Variants in DACH2 observed in about 807,000 individuals in gnomAD.
The protein encoded by DACH2 is dachshund family transcription factor 2, also known as dachshund homolog 2.
DACH2 carries 17 observed loss-of-function variants against 35.8 expected under a neutral mutation model. The ratio of observed to expected loss-of-function variants is 0.48; its 90% CI spans 0.33 to 0.71. The LOEUF (loss-of-function observed/expected upper bound fraction) is 0.71, where lower values mean the gene tolerates loss of function less well. Ranked by LOEUF, DACH2 falls within the 30% of genes least tolerant of loss-of-function variation. DACH2 has a pLI of 0.02. For missense variants in DACH2, 469 were observed against 472.7 expected (o/e 0.99, Z 0.07); for synonymous variants, 195 against 177.3 (o/e 1.10, Z -0.79).
At chrX:86,296,298 G>A (rs989683734) in intron 1 of DACH2, among the ~76,000 whole-genome samples, 2 of 100,454 alleles carry the variant, frequency 2.0e-5, no homozygotes, top group African/African-American at 3.7e-5. Flanking sequence ...GGAGAATGGC[G>A]TGAACCCTGG....
intron 2 of DACH2, among the ~76,000 whole-genome samples, chrX:86,486,104 C>T (rs1271320590): frequency 9.0e-6 from 1 of 110,961 alleles, no homozygotes; most frequent in African/African-American, 3.3e-5. Context: ...ACTGGTCCCA[C>T]CATACCCTCA....
At chrX:86,568,738 C>T (rs750666657) in intron 3 of DACH2, among the ~76,000 whole-genome samples, 35 of 111,212 alleles carry the variant, frequency 3.1e-4, no homozygotes, top group African/African-American at 1.1e-3. Context: ...ACGAATGGGG[C>T]TGTGTAAAGC....
chrX:86,397,221 G>C (rs777488824), intron 2 of DACH2, among the ~76,000 whole-genome samples: 1 of 111,488 alleles, frequency 9.0e-6, no homozygotes. Flanking sequence ...AAATGCTAGT[G>C]ATTTTTGCAC....
intron 1 of DACH2, among the ~76,000 whole-genome samples, chrX:86,267,647 A>G (rs189151598): frequency 9.7e-4 from 109 of 112,160 alleles, no homozygotes; most frequent in Non-Finnish European, 1.8e-3. Context: ...CGATGTGGTC[A>G]GCATCAATGG....
intron 2 of DACH2, among the ~76,000 whole-genome samples, chrX:86,497,057 G>A (rs1387940766): frequency 8.9e-6 from 1 of 112,082 alleles, no homozygotes; most frequent in African/African-American, 3.2e-5. Flanking sequence ...GTTACAAGGG[G>A]AGATTGTCTT....
chrX:86,179,268 T>C (rs1345763691), intron 1 of DACH2, among the ~76,000 whole-genome samples: 2 of 112,581 alleles, frequency 1.8e-5, no homozygotes, highest in Non-Finnish European at 3.8e-5. Flanking sequence ...ATCACATTAA[T>C]ATCTCAGCCC....
chrX:86,810,927 A>T (rs2042389320), intron 7 of DACH2, among the ~76,000 whole-genome samples: 1 of 111,938 alleles, frequency 8.9e-6, no homozygotes, highest in Admixed American at 9.5e-5. Context: ...TAACTAGAGT[A>T]TGAAAATAAA....
chrX:86,487,806 C>T (rs892055316), intron 2 of DACH2, among the ~76,000 whole-genome samples: 2 of 111,605 alleles, frequency 1.8e-5, no homozygotes, highest in African/African-American at 6.5e-5. Context: ...TTATAAAAGT[C>T]CAAAAATATT....
intron 3 of DACH2, among the ~76,000 whole-genome samples, chrX:86,578,967 G>A (rs947283743): frequency 6.3e-5 from 7 of 111,758 alleles, no homozygotes; most frequent in Non-Finnish European, 9.4e-5. Context: ...TCGTGGTATC[G>A]TGACATGAAT....
intron 11 of DACH2, among the ~76,000 whole-genome samples, chrX:86,816,905 C>A (rs1442559656): frequency 8.9e-6 from 1 of 111,740 alleles, no homozygotes; most frequent in East Asian, 2.8e-4. Flanking sequence ...TATTTCCTAA[C>A]TTTGAAAAAA....
At chrX:86,216,999 G>A (rs1338882205) in intron 1 of DACH2, among the ~76,000 whole-genome samples, 1 of 109,789 alleles carries the variant, frequency 9.1e-6, no homozygotes, top group Non-Finnish European at 1.9e-5. Flanking sequence ...GCTGAGGCAG[G>A]ATAATCCCTT....
chrX:86,334,551 G>A (rs1384373250), intron 1 of DACH2, among the ~76,000 whole-genome samples: 1 of 112,346 alleles, frequency 8.9e-6, no homozygotes, highest in Non-Finnish European at 1.9e-5. Flanking sequence ...CTGCATAAAT[G>A]TCTTCTTATG....
chrX:86,303,683 A>G (rs1392938884), intron 1 of DACH2, among the ~76,000 whole-genome samples: 1 of 109,737 alleles, frequency 9.1e-6, no homozygotes, highest in Non-Finnish European at 1.9e-5. Context: ...AAAGCAATCT[A>G]CCTGTAATGA....
chrX:86,779,656 T>A (rs951730264), intron 7 of DACH2, among the ~76,000 whole-genome samples: 1 of 110,450 alleles, frequency 9.1e-6, no homozygotes, highest in Non-Finnish European at 1.9e-5. Context: ...GATGTGAGAG[T>A]TGCAGTGCCT....
At chrX:86,240,692 A>C (rs1202788753) in intron 1 of DACH2, among the ~76,000 whole-genome samples, 2 of 109,734 alleles carry the variant, frequency 1.8e-5, no homozygotes, top group African/African-American at 6.7e-5. Context: ...CTGTGTCCCC[A>C]TCCAAATCTA....
chrX:86,306,608 A>G (rs1159958056), intron 1 of DACH2, among the ~76,000 whole-genome samples: 1 of 111,627 alleles, frequency 9.0e-6, no homozygotes. Flanking sequence ...AAAAGGCAAG[A>G]CGACCCTAGC....
intron 1 of DACH2, chrX:86,305,158 T>A (rs1372992869): frequency 7.6e-6 from 1 of 130,838 alleles, no homozygotes; most frequent in Non-Finnish European, 1.6e-5. Context: ...TTTTGGGGGG[T>A]ACACGCTCTA....
At chrX:86,566,742 TATA>T (rs2039297893) in intron 3 of DACH2, among the ~76,000 whole-genome samples, 1 of 103,572 alleles carries the variant, frequency 9.7e-6, no homozygotes, top group Non-Finnish European at 2.1e-5. Flanking sequence ...TCATCATCAT[TATA>T]ATGACCTAAT....
At chrX:86,254,715 G>C (rs2033468023) in intron 1 of DACH2, among the ~76,000 whole-genome samples, 1 of 96,553 alleles carries the variant, frequency 1.0e-5, no homozygotes, top group African/African-American at 3.8e-5. Context: ...AAGGGAAAGG[G>C]AAAGAGGGAA....
Sources: gnomAD v4.1 joint callset for allele counts (sites outside exome capture counted in the v4.1 genomes callset) on GRCh38, gnomAD v4.1.1 for gene constraint, MANE v1.5 for transcripts, NCBI Gene and HGNC (gene_info 2026-07-23, HGNC 2026-07-21) for gene names.